JAK3: variants seen among roughly 807,000 people sequenced by gnomAD.
JAK3 encodes the protein tyrosine-protein kinase JAK3.
JAK3 carries 88 observed loss-of-function variants against 120.8 expected under a neutral mutation model. That is an observed-to-expected ratio of 0.73 (90% CI 0.61 to 0.87). The LOEUF (loss-of-function observed/expected upper bound fraction) is 0.87, where lower values mean the gene tolerates loss of function less well. Among genes scored for constraint, JAK3 ranks in the 40% least tolerant of loss-of-function variants. The pLI is 0.00. For synonymous variants in JAK3, 592 were observed against 628.6 expected, an observed-to-expected ratio of 0.94 and a Z score of 0.87; for missense variants, 1,254 against 1,501.4, an observed-to-expected ratio of 0.84 and a Z score of 2.72.
chr19:17,836,872 T>G (rs2094225291), intron 13 of JAK3: 1 of 601,154 alleles, frequency 1.7e-6, no homozygotes, highest in Admixed American at 2.3e-5. Context: ...ACGTGACCTG[T>G]ACAAAGCTGC....
chr19:17,838,917 T>C (rs920768300), intron 10 of JAK3, among the ~76,000 whole-genome samples: 1 of 151,964 alleles, frequency 6.6e-6, no homozygotes, highest in Non-Finnish European at 1.5e-5. Context: ...AGTTTCACCA[T>C]GTTGGCCACG....
At chr19:17,834,819 T>C (rs1568402792) in intron 16 of JAK3, 33 bp downstream of exon 16, 1 of 1,613,536 alleles carries the variant, frequency 6.2e-7, no homozygotes, top group East Asian at 2.2e-5. Context: ...AAAGTGGGGG[T>C]TCGGAGACCG....
At chr19:17,844,181 C>T (rs1471900818) in intron 2 of JAK3, 53 bp downstream of exon 2, 1 of 1,510,128 alleles carries the variant, frequency 6.6e-7, no homozygotes, top group Non-Finnish European at 9.0e-7. Flanking sequence ...CCAATCTTGG[C>T]CCCACACAGC....
Position 17,838,408 on chromosome 19 carries a change from G to C in JAK3, c.1442-18C>G, listed in dbSNP as rs200370111. ...GGACTTTTCTATGGGGAGAGGATGA[G>C]GGAGAAAAACCAGAAATCAGAGGTG... is the stretch of plus-strand genomic sequence containing the variant. On this transcript the variant is annotated intron_variant, in intron 10 of 23. Coordinates refer to ENST00000458235, the MANE Select transcript of JAK3 (RefSeq NM_000215.4). 26 of 1,614,122 alleles carry C rather than the reference G, an allele frequency of 1.6e-5. No homozygotes were observed. The highest frequency in any genetic ancestry group is 2.2e-5 in the South Asian group (2 of 91,090).
In JAK3 at chr19:17,830,068, C is replaced by G. The variant is rs1197233135; in HGVS notation, c.3207+40G>C. The G allele has an allele frequency of 3.4e-6, 5 of 1,475,632 alleles. No homozygotes were observed. The Admixed American group carries it at 7.8e-5, about 23-fold the overall frequency. The allele number at this position is 1,475,632 out of a possible 1,614,324, so 91.4% of individuals were successfully genotyped here. ...GGCTTGCCCGAGACCCCGGCCCAAT[C>G]TACAGACTGGGAAACTGAGGCTAGC... On this transcript the variant is annotated intron_variant, in intron 23 of 23. Coordinates refer to ENST00000458235, the MANE Select transcript of JAK3 (RefSeq NM_000215.4).
Position 17,831,149 on chromosome 19 carries a change from G to A in JAK3, c.2978+79C>T, listed in dbSNP as rs1003521866. The A allele has an allele frequency of 2.7e-6, 4 of 1,490,258 alleles. No individual in the cohort carries two copies. The African/African-American group carries it at 5.6e-5, about 21-fold the overall frequency. The allele number at this position is 1,490,258 out of a possible 1,614,324, so 92.3% of individuals were successfully genotyped here. ...GGCTAAGGCTGGGGAGCAAAGCAGC[G>A]GGAGGGGGCGGGGGCATGGCTGGGG... On this transcript the variant is annotated intron_variant, in intron 21 of 23. Transcript: ENST00000458235. The surrounding 1 kb of genome is among the most constrained non-coding windows in gnomAD (Gnocchi z 5.1).
intron 1 of JAK3, among the ~76,000 whole-genome samples, chr19:17,844,973 G>C (rs1349209058): frequency 2.6e-5 from 4 of 152,054 alleles, no homozygotes; most frequent in Non-Finnish European, 1.5e-5. Context: ...CAGGGGTGGG[G>C]CTTCGAGTCC....
chr19:17,827,954 G>GCTCATCTCCATCCCTCCTTCC (rs2094207189), intron 23 of JAK3, among the ~76,000 whole-genome samples: 1 of 148,868 alleles, frequency 6.7e-6, no homozygotes, highest in South Asian at 2.1e-4. Context: ...GCCCTCCTTC[G>GCTCATCTCCATCCCTCCTTCC]CTCATCTCCA....
At chr19:17,837,897 C>T (rs779961090) in intron 12 of JAK3, 35 bp downstream of exon 12, 5 of 1,613,584 alleles carry the variant, frequency 3.1e-6, no homozygotes, top group Middle Eastern at 1.7e-4. Flanking sequence ...TCCAGCCAGC[C>T]CCGACTCCAA....
rs760095854 is a variant in JAK3 at position 17,842,504 on chromosome 19, C to G, written c.673G>C (p.Ala225Pro). The G allele has an allele frequency of 1.3e-6, 2 of 1,596,196 alleles. No homozygotes were observed. The highest frequency in any genetic ancestry group is 1.3e-5 in the African/African-American group (1 of 74,778). The change falls in exon 6 of 24, where the codon GCC becomes CCC. Residue 225 changes from alanine (A) to proline (P), a missense_variant. Transcript: ENST00000458235. The surrounding 1 kb of genome is among the most constrained non-coding windows in gnomAD (Gnocchi z 6.4). ...RTVRRALRRV[A>P]ACQADRHSLM... ...GAGTGCCGGTCTGCCTGGCAGGCGG[C>G]CACGCGGCGCAGGGCTCTGCGCACC...
In JAK3 at chr19:17,831,337, C is replaced by A. The variant is rs1236681448; in HGVS notation, c.2869G>T (p.Val957Leu). The change falls in exon 21 of 24, where the codon GTG (valine) becomes TTG (leucine). Residue 957 changes from valine (V) to leucine (L), a missense_variant. Coordinates refer to ENST00000458235, the MANE Select transcript of JAK3 (RefSeq NM_000215.4). This position sits in a 1 kb window ranked among gnomAD's most constrained non-coding sequence, Gnocchi z 5.1. ...ATCTTGACGTGTGCCTCGCTCTCCA[C>A]GAGGATGTTTCGGGCGGCCAGGTCG... is the stretch of plus-strand genomic sequence containing the variant. Reference protein sequence around the residue: ...HRDLAARNILVESEAHVKIAD... With the variant: ...HRDLAARNILLESEAHVKIAD... 1 of 1,611,720 alleles carries A rather than the reference C, an allele frequency of 6.2e-7. No individual in the cohort carries two copies. Among genetic ancestry groups the A allele is most frequent in the Admixed American group, 1.7e-5 (1 of 60,000 alleles).
Position 17,834,978 on chromosome 19 carries a change from C to T in JAK3, c.2073G>A (p.Val691=), listed in dbSNP as rs553728859. Residue 691 remains valine (V), a synonymous_variant, in exon 16 of 24, where the codon GTG becomes GTA. Coordinates refer to ENST00000458235, the MANE Select transcript of JAK3 (RefSeq NM_000215.4). ...GCGCCTCCCGGAGACACTCGGGGGC[C>T]ACCCAGGGGATCCTGTCGGTGAGCA... ...LEMLTDRIPW[V]APECLREAQT... is the part of the protein sequence containing the mutation. 1.5e-5 allele frequency: 25 copies of T among 1,614,164 alleles called. No individual in the cohort carries two copies. In the Admixed American group the frequency reaches 1.7e-4, roughly 11 times the overall value.
At chr19:17,835,425 T>A (rs980102502) in intron 14 of JAK3, among the ~76,000 whole-genome samples, 4 of 152,054 alleles carry the variant, frequency 2.6e-5, no homozygotes. Flanking sequence ...CACCACCCCA[T>A]CCTGTGACTC....
chr19:17,839,467 AG>A lies in JAK3; in HGVS notation c.1441+9del. ...ATCAGCCACTCATTCCAGGGGAGGA[AG>A]GGGCTCACCTTTGGGTCTGGGGATA... On this transcript the variant is annotated intron_variant, in intron 10 of 23. Coordinates refer to ENST00000458235, the MANE Select transcript of JAK3 (RefSeq NM_000215.4). 6.4e-7 allele frequency: 1 copy of A among 1,568,596 alleles called. No homozygotes were observed. The highest frequency in any genetic ancestry group is 8.7e-7 in the Non-Finnish European group (1 of 1,155,436).
At chr19:17,844,086 C>T (rs904165445) in intron 2 of JAK3, 148 bp downstream of exon 2, 1 of 1,144,816 alleles carries the variant, frequency 8.7e-7, no homozygotes, top group Non-Finnish European at 1.3e-6. Flanking sequence ...GCCAACCCTG[C>T]ACACCCTTCT....
At chr19:17,847,885 C>G in intron 1 of JAK3, 61 bp downstream of exon 1, 1 of 855,114 alleles carries the variant, frequency 1.2e-6, no homozygotes, top group South Asian at 5.5e-5. Flanking sequence ...CCAGCCATCC[C>G]CCGCCACCAC....
Position 17,841,501 on chromosome 19 carries a change from G to A in JAK3, c.1030C>T (p.Leu344Phe). ...GLPEALSFVALVDGYFRLTTD... is the reference protein window; with the variant it reads ...GLPEALSFVAFVDGYFRLTTD... ...GTCAGCCGGAAGTAGCCGTCCACGAGCGCCACGAACGACAGAGCCTCGGGC... is the reference window on the plus strand; with the variant it reads ...GTCAGCCGGAAGTAGCCGTCCACGAACGCCACGAACGACAGAGCCTCGGGC... The change falls in exon 8 of 24, where the codon CTC (leucine) becomes TTC (phenylalanine). Residue 344 changes from leucine (L) to phenylalanine (F), a missense_variant. Leu to Phe is a conservative substitution (Grantham distance 22, BLOSUM62 0). This residue lies in a region of JAK3 where 486 missense variants were observed against 503.0 expected (regional missense o/e 0.97). Transcript: ENST00000458235. This position sits in a 1 kb window ranked among gnomAD's most constrained non-coding sequence, Gnocchi z 4.1. 6.4e-7 allele frequency: 1 copy of A among 1,574,682 alleles called. No homozygotes were observed. The highest frequency in any genetic ancestry group is 8.6e-7 in the Non-Finnish European group (1 of 1,160,054).
chr19:17,840,391 A>G, intron 8 of JAK3, 50 bp from the exon 9 acceptor site: 1 of 1,272,616 alleles, frequency 7.9e-7, no homozygotes, highest in Non-Finnish European at 1.1e-6. Flanking sequence ...ATAGAAGAAG[A>G]CAGAGAGACC....
intron 23 of JAK3, among the ~76,000 whole-genome samples, chr19:17,827,674 T>A (rs548017352): frequency 7.5e-5 from 10 of 133,188 alleles, no homozygotes; most frequent in African/African-American, 2.6e-4. Flanking sequence ...ACACTTCTCC[T>A]TTCGAGACTA....
Sources: allele counts gnomAD v4.1 joint callset (sites outside exome capture counted in the v4.1 genomes callset), GRCh38; gene constraint gnomAD v4.1.1; regional missense constraint gnomAD v4.1.1; non-coding constraint Gnocchi (gnomAD v3.1); transcripts MANE v1.5; gene names NCBI Gene and HGNC (gene_info 2026-07-23, HGNC 2026-07-21).